Variants in ACAD10 observed in about 807,000 individuals in gnomAD.
The protein encoded by ACAD10 is ACAD-10.
Under a neutral mutation model 116.8 loss-of-function variants are expected in ACAD10, and 112 were observed. The observed-to-expected ratio is 0.96, with a 90% CI of 0.82 to 1.12. The LOEUF (loss-of-function observed/expected upper bound fraction) is 1.12, where lower values mean the gene tolerates loss of function less well. Ranked by LOEUF, ACAD10 falls within the 50% of genes most tolerant of loss-of-function variation. ACAD10 has a pLI of 0.00. For missense variants in ACAD10, 1,259 were observed against 1,350.2 expected (o/e 0.93, Z 1.06); for synonymous variants, 486 against 510.6 (o/e 0.95, Z 0.65).
intron 19 of ACAD10, among the ~76,000 whole-genome samples, chr12:111,754,696 C>G (rs1032057614): frequency 1.3e-5 from 2 of 152,192 alleles, no homozygotes; most frequent in African/African-American, 4.8e-5. Context: ...GGGTGTCTCC[C>G]TTGAACACCC....
intron 5 of ACAD10, among the ~76,000 whole-genome samples, chr12:111,710,949 A>G (rs1196975298): frequency 6.6e-6 from 1 of 152,086 alleles, no homozygotes; most frequent in Non-Finnish European, 1.5e-5. Context: ...TCTGCAGGAT[A>G]GAAAGTTCAG....
At chr12:111,739,551 G>GT (rs1388312628) in intron 12 of ACAD10, among the ~76,000 whole-genome samples, 1 of 152,216 alleles carries the variant, frequency 6.6e-6, no homozygotes, top group Non-Finnish European at 1.5e-5. Flanking sequence ...GAGGTCAGGA[G>GT]TTTGAGACCA....
Position 111,712,524 on chromosome 12 carries a change from G to A in ACAD10, c.717G>A (p.Lys239=). 1 of 1,614,054 alleles carries A rather than the reference G, an allele frequency of 6.2e-7. No individual in the cohort carries two copies. The highest frequency in any genetic ancestry group is 8.5e-7 in the Non-Finnish European group (1 of 1,179,954). Reference sequence around the variant, plus strand: ...TTAATGACCCAGAGACTGCAGTAAAGGAATTAGAAGCTCTCTTGGGTTTTA... The same window carrying A: ...TTAATGACCCAGAGACTGCAGTAAAAGAATTAGAAGCTCTCTTGGGTTTTA... The part of the protein sequence containing the change: ...IKVNDPETAV[K]ELEALLGFTL... Residue 239 remains lysine (K), a synonymous_variant, in exon 6 of 21, where the codon AAG becomes AAA. Transcript: ENST00000313698.
Position 111,709,597 on chromosome 12 carries a change from C to T in ACAD10, c.603C>T (p.Leu201=), listed in dbSNP as rs146861041. ...PRIYKLCLEQ[L]GLQPSESIFL... ...TCTACAAGCTGTGCTTGGAGCAGCT[C>T]GGCCTGCAGCCCTCTGAGTCCATCT... is the stretch of plus-strand genomic sequence containing the variant. Residue 201 remains leucine, a synonymous_variant, in exon 5 of 21, where the codon CTC becomes CTT. Coordinates refer to ENST00000313698, the MANE Select transcript of ACAD10 (RefSeq NM_025247.6). The T allele has an allele frequency of 1.9e-4, 302 of 1,614,014 alleles. No individual in the cohort carries two copies. Among genetic ancestry groups the T allele is most frequent in the Non-Finnish European group, 2.3e-4 (277 of 1,179,966 alleles).
chr12:111,737,592 T>A (rs1638386307), intron 12 of ACAD10, among the ~76,000 whole-genome samples: 1 of 152,192 alleles, frequency 6.6e-6, no homozygotes, highest in Non-Finnish European at 1.5e-5. Flanking sequence ...CATATAGAAT[T>A]ATGTAAAATT....
chr12:111,702,065 A>G (rs1042291765), intron 2 of ACAD10, 97 bp from the exon 3 acceptor site: 3 of 1,307,692 alleles, frequency 2.3e-6, no homozygotes, highest in African/African-American at 3.0e-5. Flanking sequence ...CTGGCAGTAC[A>G]GCGAGTCCGT....
intron 10 of ACAD10, among the ~76,000 whole-genome samples, chr12:111,731,004 T>C (rs1366657541): frequency 6.6e-6 from 1 of 152,240 alleles, no homozygotes; most frequent in African/African-American, 2.4e-5. Context: ...TTGATCAGGC[T>C]GGTCTCAAAC....
chr12:111,745,109 G>T, intron 13 of ACAD10, 66 bp downstream of exon 13: 2 of 1,519,720 alleles, frequency 1.3e-6, no homozygotes, highest in East Asian at 4.6e-5. Context: ...ACCCCACCGG[G>T]CTCACCTGAA....
chr12:111,689,755 G>C (rs1887983724), intron 1 of ACAD10, among the ~76,000 whole-genome samples: 1 of 145,088 alleles, frequency 6.9e-6, no homozygotes, highest in Non-Finnish European at 1.5e-5. Context: ...TCACTCTGTT[G>C]CCCAGGCTGG....
intron 7 of ACAD10, among the ~76,000 whole-genome samples, chr12:111,720,375 A>G (rs1888981454): frequency 6.6e-6 from 1 of 152,196 alleles, no homozygotes; most frequent in African/African-American, 2.4e-5. Context: ...CATTACTGAG[A>G]AAGGAGTGTT....
chr12:111,751,338 TGTG>T lies in ACAD10; in HGVS notation c.2817+1997_2817+1999del, dbSNP rs376455841. 1.6e-4 allele frequency among the ~76,000 whole-genome samples: 24 copies of T among 152,256 alleles called. 1 individual carries two copies. The highest frequency in any genetic ancestry group is 5.3e-4 in the African/African-American group (22 of 41,546). On this transcript the variant is annotated intron_variant, in intron 18 of 20. Transcript: ENST00000313698. ...TTTAAAAAAAAAGACTGTGGCCAGG[TGTG>T]GTGACACTCCCAGCACTCTGAGAGG...
intron 8 of ACAD10, chr12:111,722,108 C>G (rs1889029773): frequency 6.4e-6 from 1 of 156,568 alleles, no homozygotes; most frequent in African/African-American, 2.4e-5. Flanking sequence ...GTCACCCAGA[C>G]TGGAGTCCAG....
chr12:111,725,488 T>TGG (rs1453473736), intron 8 of ACAD10, among the ~76,000 whole-genome samples: 29 of 151,582 alleles, frequency 1.9e-4, no homozygotes, highest in Admixed American at 2.6e-4. Context: ...CACTCCAGGC[T>TGG]GGATGATAGA....
intron 11 of ACAD10, among the ~76,000 whole-genome samples, chr12:111,734,963 CCT>C (rs1889502648): frequency 2.0e-5 from 3 of 152,076 alleles, no homozygotes; most frequent in African/African-American, 7.2e-5. Flanking sequence ...GTGGCCCACG[CCT>C]GTAATCCCAG....
rs367661194 is a variant in ACAD10, at chr12:111,748,371, A to G, written c.2540A>G (p.His847Arg). The change falls in exon 17 of 21, where the codon CAT (histidine) becomes CGT (arginine). Residue 847 changes from histidine to arginine, a missense_variant. By Grantham distance (29) the His-to-Arg change is conservative. Coordinates refer to ENST00000313698, the MANE Select transcript of ACAD10 (RefSeq NM_025247.6). ...GTGTTTATGGGAAAAACAGACCCACATGCACCAAGACACCGGCAGCAGTCT... is the reference window on the plus strand; with the variant it reads ...GTGTTTATGGGAAAAACAGACCCACGTGCACCAAGACACCGGCAGCAGTCT... ...LCVFMGKTDP[H>R]APRHRQQSVL... The G allele has an allele frequency of 5.2e-5, 84 of 1,614,008 alleles. No individual in the cohort carries two copies. The highest frequency in any genetic ancestry group is 6.6e-5 in the Non-Finnish European group (78 of 1,180,036).
Position 111,704,688 on chromosome 12 carries a change from C to CTTTCT in ACAD10, c.337-1047_337-1046insCTTTT, listed in dbSNP as rs554829011. Among the ~76,000 whole-genome samples the CTTTCT allele has an allele frequency of 2.1e-3, 261 of 126,140 alleles. 3 individuals are homozygous for CTTTCT. Among genetic ancestry groups the CTTTCT allele is most frequent in the African/African-American group, 7.2e-3 (235 of 32,788 alleles). The allele number at this position is 126,140 out of a possible 152,430, so 82.8% of individuals were successfully genotyped here. A position where few individuals can be genotyped will look rare whatever the true frequency, so the allele number is the denominator to read the frequency against. On this transcript the variant is annotated intron_variant, in intron 3 of 20. Transcript: ENST00000313698. ...GTTTTCTTTCTTTCTTTCTTTCTTT[C>CTTTCT]TTTTTTTTTTTTTTTTTGAGACGGA...
At chr12:111,688,798 T>A (rs1887955635) in intron 1 of ACAD10, among the ~76,000 whole-genome samples, 1 of 149,694 alleles carries the variant, frequency 6.7e-6, no homozygotes, top group Admixed American at 6.7e-5. Context: ...CAAGACTCCG[T>A]CTCAAAACAA....
At position 111,747,353 on chromosome 12, in the gene ACAD10, A is replaced by C. The variant is rs758109154; in HGVS notation, c.2453A>C (p.Tyr818Ser). 6.2e-7 allele frequency: 1 copy of C among 1,614,050 alleles called. No individual in the cohort carries two copies. The highest frequency in any genetic ancestry group is 1.3e-5 in the African/African-American group (1 of 74,898). Residue 818 changes from tyrosine to serine, a missense_variant, in exon 16 of 21, where the codon TAT (tyrosine) becomes TCT (serine). Physicochemically the swap from Tyr to Ser is moderately radical, Grantham distance 144. Coordinates refer to ENST00000313698, the MANE Select transcript of ACAD10 (RefSeq NM_025247.6). The part of the protein sequence containing the change: ...EASIREEDSF[Y>S]VINGHKWWIT... Reference sequence around the variant, plus strand: ...TCCATCAGAGAGGAGGACAGCTTCTATGTCATAAACGGTCACAAATGGTGG... The same window carrying C: ...TCCATCAGAGAGGAGGACAGCTTCTCTGTCATAAACGGTCACAAATGGTGG...
chr12:111,692,638 G>A, intron 1 of ACAD10, 59 bp from the exon 2 acceptor site: 1 of 1,534,992 alleles, frequency 6.5e-7, no homozygotes, highest in Non-Finnish European at 8.9e-7. Context: ...GCTCCAGGAT[G>A]GAGGCCTGGT....
Sources: allele counts gnomAD v4.1 joint callset (sites outside exome capture counted in the v4.1 genomes callset), GRCh38; gene constraint gnomAD v4.1.1; transcripts MANE v1.5; gene names NCBI Gene and HGNC (gene_info 2026-07-23, HGNC 2026-07-21).